Variants in ST6GAL2 observed in about 807,000 individuals in gnomAD.
ST6GAL2 encodes the protein beta-galactoside alpha-2,6-sialyltransferase 2.
ST6GAL2 carries 24 observed loss-of-function variants against 37.5 expected under a neutral mutation model. That is an observed-to-expected ratio of 0.64 (90% CI 0.46 to 0.90). The LOEUF (loss-of-function observed/expected upper bound fraction) is 0.90, where lower values mean the gene tolerates loss of function less well. Among genes scored for constraint, ST6GAL2 ranks in the 40% least tolerant of loss-of-function variants. The pLI is 0.00. For missense variants in ST6GAL2, 715 were observed against 712.7 expected, an observed-to-expected ratio of 1.00 and a Z score of -0.04; for synonymous variants, 306 against 295.1, an observed-to-expected ratio of 1.04 and a Z score of -0.38.
At chr2:106,866,363 G>A (rs1678024570) in intron 1 of ST6GAL2, among the ~76,000 whole-genome samples, 1 of 152,204 alleles carries the variant, frequency 6.6e-6, no homozygotes, top group South Asian at 2.1e-4. Flanking sequence ...AGATGGGAGA[G>A]AGTGGAACGA....
chr2:106,885,497 T>C (rs1678941086), intron 1 of ST6GAL2, among the ~76,000 whole-genome samples: 1 of 152,148 alleles, frequency 6.6e-6, no homozygotes, highest in Non-Finnish European at 1.5e-5. Flanking sequence ...TTCAGCTCTT[T>C]GGAAGGCAGC....
chr2:106,816,606 G>A (rs1675808761), intron 5 of ST6GAL2, among the ~76,000 whole-genome samples: 1 of 152,060 alleles, frequency 6.6e-6, no homozygotes, highest in Non-Finnish European at 1.5e-5. Context: ...AAATTTGAGA[G>A]GGCTAACTTC....
intron 1 of ST6GAL2, among the ~76,000 whole-genome samples, chr2:106,845,366 A>C (rs1378914749): frequency 6.6e-6 from 1 of 152,216 alleles, no homozygotes; most frequent in East Asian, 1.9e-4. Flanking sequence ...ATGGGCTTTC[A>C]GGAGATTCCT....
At chr2:106,842,517 A>T (rs1167020236) in intron 2 of ST6GAL2, among the ~76,000 whole-genome samples, 5 of 152,180 alleles carry the variant, frequency 3.3e-5, no homozygotes, top group African/African-American at 1.2e-4. Flanking sequence ...CACAGTAACC[A>T]ATATTATCTT....
At chr2:106,814,871 C>T (rs1675743406) in intron 5 of ST6GAL2, among the ~76,000 whole-genome samples, 1 of 152,208 alleles carries the variant, frequency 6.6e-6, no homozygotes, top group Non-Finnish European at 1.5e-5. Context: ...AAGATAAAAT[C>T]TCTAGTATCT....
At chr2:106,813,114 GTTT>G (rs373534739) in intron 5 of ST6GAL2, 268 of 1,136,846 alleles carry the variant, frequency 2.4e-4, no homozygotes, top group South Asian at 8.3e-4. Context: ...TATATGGCCA[GTTT>G]TTTTTTTTTT....
At chr2:106,868,460 T>C (rs566277616) in intron 1 of ST6GAL2, among the ~76,000 whole-genome samples, 96 of 152,318 alleles carry the variant, frequency 6.3e-4, no homozygotes, top group African/African-American at 2.3e-3. Context: ...AAATGTCCAA[T>C]GCTGACCTCA....
intron 2 of ST6GAL2, among the ~76,000 whole-genome samples, chr2:106,840,790 C>T (rs910027883): frequency 6.6e-6 from 1 of 152,134 alleles, no homozygotes; most frequent in Non-Finnish European, 1.5e-5. Context: ...AAAAAAAGAA[C>T]GAGGGACTGC....
At chr2:106,881,194 T>G (rs1293246752) in intron 1 of ST6GAL2, among the ~76,000 whole-genome samples, 1 of 152,138 alleles carries the variant, frequency 6.6e-6, no homozygotes, top group Non-Finnish European at 1.5e-5. Context: ...CTTGTTATGT[T>G]GCCCAGGCTA....
intron 1 of ST6GAL2, among the ~76,000 whole-genome samples, chr2:106,852,975 G>C (rs1275289611): frequency 1.3e-5 from 2 of 152,118 alleles, no homozygotes; most frequent in Non-Finnish European, 2.9e-5. Context: ...TGTCTCCTTA[G>C]GCCTATGAAA....
chr2:106,842,133 T>C (rs1485087453), intron 2 of ST6GAL2, among the ~76,000 whole-genome samples: 3 of 152,242 alleles, frequency 2.0e-5, no homozygotes, highest in Admixed American at 2.0e-4. Flanking sequence ...AAACTCTGCC[T>C]GAGTTTCCCA....
At chr2:106,869,824 C>G (rs1176516682) in intron 1 of ST6GAL2, among the ~76,000 whole-genome samples, 1 of 152,200 alleles carries the variant, frequency 6.6e-6, no homozygotes, top group African/African-American at 2.4e-5. Context: ...GTGGCTGGGC[C>G]TCCGACTGTC....
Position 106,823,486 on chromosome 2 carries a change from C to CACAG in ST6GAL2, c.1318+6579_1318+6580insCTGT, listed in dbSNP as rs755735360. ...ACACACACACACACACACACACACACAGAGAGAGAGAGAGAGAGATCGAGA... is the reference window on the plus strand; with the variant it reads ...ACACACACACACACACACACACACACACAGAGAGAGAGAGAGAGAGAGATCGAGA... On this transcript the variant is annotated intron_variant, in intron 5 of 5. Coordinates refer to ENST00000409382, the MANE Select transcript of ST6GAL2 (RefSeq NM_001142351.2). 7.2e-4 allele frequency among the ~76,000 whole-genome samples: 85 copies of CACAG among 118,008 alleles called. 1 individual carries two copies. Among genetic ancestry groups the CACAG allele is most frequent in the South Asian group, 1.7e-3 (6 of 3,528 alleles). 77.4% of individuals were successfully genotyped at this position (118,008 alleles called of 152,430 possible).
intron 5 of ST6GAL2, among the ~76,000 whole-genome samples, chr2:106,823,784 T>C (rs1427552645): frequency 2.6e-5 from 4 of 152,170 alleles, no homozygotes; most frequent in African/African-American, 9.7e-5. Context: ...GCAGATTCAA[T>C]GTCTCGTGAG....
At chr2:106,875,306 A>G (rs1217640229) in intron 1 of ST6GAL2, among the ~76,000 whole-genome samples, 1 of 151,602 alleles carries the variant, frequency 6.6e-6, no homozygotes, top group Non-Finnish European at 1.5e-5. Flanking sequence ...CCTCCAGAGT[A>G]ACTGGGACCA....
chr2:106,884,126 T>TG (rs944693488), intron 1 of ST6GAL2, among the ~76,000 whole-genome samples: 123 of 149,654 alleles, frequency 8.2e-4, no homozygotes, highest in Non-Finnish European at 1.6e-3. Flanking sequence ...AACTCGGGGG[T>TG]GGGGGGGTGG....
At chr2:106,866,593 A>G (rs1678034070) in intron 1 of ST6GAL2, among the ~76,000 whole-genome samples, 1 of 152,196 alleles carries the variant, frequency 6.6e-6, no homozygotes, top group South Asian at 2.1e-4. Context: ...TTTCTGTCAG[A>G]ACCAGAACTA....
intron 1 of ST6GAL2, among the ~76,000 whole-genome samples, chr2:106,876,985 A>C (rs1160913094): frequency 1.3e-5 from 2 of 151,854 alleles, no homozygotes; most frequent in African/African-American, 4.8e-5. Flanking sequence ...GTCTATTTAG[A>C]GGAAAAAAAA....
chr2:106,826,892 C>T (rs1676229409), intron 5 of ST6GAL2, among the ~76,000 whole-genome samples: 1 of 152,200 alleles, frequency 6.6e-6, no homozygotes, highest in African/African-American at 2.4e-5. Flanking sequence ...GTGGGGCACA[C>T]TGTTTCACCT....
Sources: allele counts gnomAD v4.1 joint callset (sites outside exome capture counted in the v4.1 genomes callset), GRCh38; gene constraint gnomAD v4.1.1; transcripts MANE v1.5; gene names NCBI Gene and HGNC (gene_info 2026-07-23, HGNC 2026-07-21).